ASTN2: variants seen among roughly 807,000 people sequenced by gnomAD.
The protein encoded by ASTN2 is astrotactin-2.
In ASTN2, 54 loss-of-function variants were observed where a neutral mutation model predicts 139.8. That is an observed-to-expected ratio of 0.39 (90% CI 0.31 to 0.48). The LOEUF (loss-of-function observed/expected upper bound fraction) is 0.48. ASTN2 is among the 20% of genes least tolerant of loss of function. The probability of loss-of-function intolerance (pLI) is 0.95; values close to 1 mark genes in which losing one functional copy is unlikely to be tolerated. For missense variants in ASTN2, 1,565 were observed against 1,725.1 expected, an observed-to-expected ratio of 0.91 and a Z score of 1.64; for synonymous variants, 756 against 719.5, an observed-to-expected ratio of 1.05 and a Z score of -0.81.
chr9:117,034,076 T>C (rs1838319460), intron 6 of ASTN2, among the ~76,000 whole-genome samples: 1 of 152,150 alleles, frequency 6.6e-6, no homozygotes, highest in Non-Finnish European at 1.5e-5. Flanking sequence ...TTCCAATGTA[T>C]AACAAGTCTT....
intron 10 of ASTN2, among the ~76,000 whole-genome samples, chr9:116,966,085 A>G (rs573559569): frequency 3.9e-4 from 59 of 152,178 alleles, no homozygotes; most frequent in Non-Finnish European, 8.1e-4. Context: ...GCCCAAAATC[A>G]TACTTTCATG....
intron 2 of ASTN2, among the ~76,000 whole-genome samples, chr9:117,259,706 T>C (rs1473861303): frequency 6.6e-6 from 1 of 152,184 alleles, no homozygotes; most frequent in African/African-American, 2.4e-5. Flanking sequence ...ATCAAACCAA[T>C]GTACATCTTA....
chr9:116,426,217 G>C (rs1035512120), intron 22 of ASTN2, 129 bp from the exon 23 acceptor site: 1 of 1,137,390 alleles, frequency 8.8e-7, no homozygotes, highest in African/African-American at 1.5e-5. Context: ...AGATTGGAGT[G>C]TGGTACTTCA....
intron 6 of ASTN2, among the ~76,000 whole-genome samples, chr9:117,038,957 G>A (rs1304225485): frequency 6.6e-6 from 1 of 152,066 alleles, no homozygotes; most frequent in East Asian, 1.9e-4. Flanking sequence ...ATATTTACAG[G>A]GAATGAGCAT....
At chr9:116,991,165 C>T (rs1339447571) in intron 7 of ASTN2, among the ~76,000 whole-genome samples, 14 of 152,146 alleles carry the variant, frequency 9.2e-5, no homozygotes, top group Admixed American at 8.5e-4. Flanking sequence ...GGGACACACA[C>T]ACACACATAC....
chr9:116,702,592 T>A (rs1379426638), intron 16 of ASTN2, among the ~76,000 whole-genome samples: 2 of 152,104 alleles, frequency 1.3e-5, no homozygotes, highest in African/African-American at 2.4e-5. Flanking sequence ...TATCAGTTAT[T>A]TAATTGGTTC....
At chr9:116,890,851 G>A (rs1833745743) in intron 10 of ASTN2, among the ~76,000 whole-genome samples, 1 of 152,144 alleles carries the variant, frequency 6.6e-6, no homozygotes, top group South Asian at 2.1e-4. Context: ...GCCTGAGGCA[G>A]CTGCTCACAG....
Position 116,771,641 on chromosome 9 carries a change from C to T in ASTN2, c.2396+33991G>A, listed in dbSNP as rs553545952. 3.3e-5 allele frequency among the ~76,000 whole-genome samples: 5 copies of T among 152,294 alleles called. No individual in the cohort carries two copies. In the South Asian group the frequency reaches 1.0e-3, roughly 32 times the overall value. On this transcript the variant is annotated intron_variant, in intron 13 of 22. Transcript: ENST00000313400. ...TGTACTGTCTTTGGGATCACATTAT[C>T]TGAAATTACCTACTTAATTTCCATT...
intron 1 of ASTN2, among the ~76,000 whole-genome samples, chr9:117,400,710 G>T (rs1189088443): frequency 6.6e-6 from 1 of 152,180 alleles, no homozygotes; most frequent in African/African-American, 2.4e-5. Flanking sequence ...AGCTTTAACT[G>T]TAACTCCAGC....
At chr9:116,506,672 C>T (rs1481768781) in intron 19 of ASTN2, among the ~76,000 whole-genome samples, 1 of 152,136 alleles carries the variant, frequency 6.6e-6, no homozygotes, top group Non-Finnish European at 1.5e-5. Flanking sequence ...TTGCTGTAGC[C>T]ATCTCCAACC....
intron 20 of ASTN2, among the ~76,000 whole-genome samples, chr9:116,460,694 G>A (rs1189329450): frequency 6.6e-6 from 1 of 152,108 alleles, no homozygotes; most frequent in Non-Finnish European, 1.5e-5. Context: ...GCAGAGTTTA[G>A]GGTCATGGAT....
intron 2 of ASTN2, among the ~76,000 whole-genome samples, chr9:117,276,213 A>G (rs552399375): frequency 1.3e-5 from 2 of 152,306 alleles, no homozygotes; most frequent in Admixed American, 6.5e-5. Flanking sequence ...TTATTTGAGA[A>G]GGTATTATTG....
At chr9:117,341,550 A>G (rs1010303748) in intron 1 of ASTN2, among the ~76,000 whole-genome samples, 1 of 152,222 alleles carries the variant, frequency 6.6e-6, no homozygotes, top group African/African-American at 2.4e-5. Context: ...GGATCTTTGT[A>G]TTCCAAACAG....
intron 19 of ASTN2, among the ~76,000 whole-genome samples, chr9:116,563,916 T>C (rs114650820): frequency 0.021 from 3,270 of 152,294 alleles, 94 homozygotes; most frequent in African/African-American, 0.067. Flanking sequence ...CAATAGATAT[T>C]TGTTGAATAA....
intron 11 of ASTN2, among the ~76,000 whole-genome samples, chr9:116,840,332 C>T (rs992005455): frequency 6.6e-6 from 1 of 151,298 alleles, no homozygotes; most frequent in East Asian, 2.0e-4. Context: ...CACCTTTCCC[C>T]CCTTTCTATT....
intron 1 of ASTN2, among the ~76,000 whole-genome samples, chr9:117,344,199 T>A (rs1427566890): frequency 6.6e-6 from 1 of 151,268 alleles, no homozygotes; most frequent in Admixed American, 6.6e-5. Flanking sequence ...AAAAAACCCA[T>A]CCCCAAAAGC....
chr9:117,067,780 G>C (rs377272722), intron 5 of ASTN2, among the ~76,000 whole-genome samples: 1 of 88,206 alleles, frequency 1.1e-5, no homozygotes, highest in African/African-American at 3.8e-5. Context: ...TTGTGAATGG[G>C]AGTTCACTCA....
intron 5 of ASTN2, among the ~76,000 whole-genome samples, chr9:117,085,731 G>A (rs1334085): frequency 0.064 from 9,794 of 152,202 alleles, 689 homozygotes; most frequent in East Asian, 0.19. Context: ...TTACAGAGCT[G>A]ATACCAGGAA....
intron 5 of ASTN2, among the ~76,000 whole-genome samples, chr9:117,069,446 G>T (rs879594081): frequency 0.014 from 1,076 of 78,260 alleles, no homozygotes; most frequent in East Asian, 0.03. Flanking sequence ...ATCAATTTTG[G>T]AATAGGTGTG....
Sources: allele counts gnomAD v4.1 joint callset (sites outside exome capture counted in the v4.1 genomes callset), GRCh38; gene constraint gnomAD v4.1.1; transcripts MANE v1.5; gene names NCBI Gene and HGNC (gene_info 2026-07-23, HGNC 2026-07-21).